UPF2: variants seen among roughly 807,000 people sequenced by gnomAD.
UPF2 encodes regulator of nonsense transcripts 2.
In UPF2, 17 loss-of-function variants were observed where a neutral mutation model predicts 141.4. The ratio of observed to expected loss-of-function variants is 0.12; its 90% CI spans 0.08 to 0.18. The LOEUF is 0.18. Among genes scored for constraint, UPF2 ranks in the 10% least tolerant of loss-of-function variants. UPF2 has a pLI of 1.00. For synonymous variants in UPF2, 540 were observed against 498.0 expected (o/e 1.08, Z -1.12); for missense variants, 1,152 against 1,515.9 (o/e 0.76, Z 3.99).
intron 21 of UPF2, among the ~76,000 whole-genome samples, chr10:11,927,798 G>A (rs981176371): frequency 6.6e-6 from 1 of 151,990 alleles, no homozygotes; most frequent in African/African-American, 2.4e-5. Context: ...AATTTGATTA[G>A]AGTTATCTGA....
intron 3 of UPF2, 93 bp downstream of exon 3, chr10:12,028,652 C>T: frequency 7.4e-7 from 1 of 1,345,514 alleles, no homozygotes; most frequent in South Asian, 1.5e-5. Context: ...GAGCCCTTTT[C>T]CATAAGTTCT....
intron 9 of UPF2, 47 bp from the exon 10 acceptor site, chr10:11,967,501 C>A: frequency 9.7e-7 from 1 of 1,028,882 alleles, no homozygotes; most frequent in Non-Finnish European, 1.4e-6. Flanking sequence ...CATTTTGAAT[C>A]TCTGTGATAA....
At chr10:12,002,331 T>C (rs1323175075) in intron 5 of UPF2, among the ~76,000 whole-genome samples, 2 of 152,206 alleles carry the variant, frequency 1.3e-5, no homozygotes, top group East Asian at 3.8e-4. Context: ...TGATTATGTA[T>C]ACCATTTGTT....
Position 11,924,865 on chromosome 10 carries a change from G to T in UPF2, c.3810-3558C>A, listed in dbSNP as rs558421162. On this transcript the variant is annotated intron_variant, in intron 21 of 21. Transcript: ENST00000357604. ...ATAGAGTTTCGCTCTTGTTGCCCAG[G>T]CTGGAGTGCAATGGCGCAATCTTGG... Among the ~76,000 whole-genome samples, 135 of 152,134 alleles carry T rather than the reference G, an allele frequency of 8.9e-4. 1 individual carries two copies. The highest frequency in any genetic ancestry group is 3.2e-3 in the African/African-American group (133 of 41,492).
intron 3 of UPF2, among the ~76,000 whole-genome samples, chr10:12,026,020 C>G (rs1260523621): frequency 1.3e-5 from 2 of 152,180 alleles, no homozygotes; most frequent in Non-Finnish European, 2.9e-5. Context: ...TCTCAAACTC[C>G]TGGGCTCAAG....
At chr10:11,926,818 T>C (rs1832718808) in intron 21 of UPF2, among the ~76,000 whole-genome samples, 1 of 152,172 alleles carries the variant, frequency 6.6e-6, no homozygotes, top group Non-Finnish European at 1.5e-5. Context: ...GGGGCAAGTG[T>C]AGCCGATTCT....
rs1191627874 is a variant in UPF2, at chr10:11,939,409, C to T, written c.3379-2697G>A. Among the ~76,000 whole-genome samples, 1 of 152,032 alleles carries T rather than the reference C, an allele frequency of 6.6e-6. No homozygotes were observed. Among genetic ancestry groups the T allele is most frequent in the Non-Finnish European group, 1.5e-5 (1 of 67,998 alleles). On this transcript the variant is annotated intron_variant, in intron 18 of 21. Transcript: ENST00000357604. This position sits in a 1 kb window ranked among gnomAD's most constrained non-coding sequence, Gnocchi z 4.8. ...TCCCTTAACTGATTTGCAACGTTAT[C>T]TTCATCATATTACTAAACGGTCATG...
chr10:12,020,245 A>ATT (rs201167359), intron 3 of UPF2, among the ~76,000 whole-genome samples: 2 of 150,956 alleles, frequency 1.3e-5, no homozygotes, highest in African/African-American at 4.9e-5. Context: ...TAAAAAATAA[A>ATT]TTTTATTTTT....
At chr10:11,969,183 T>A (rs1047654899) in intron 9 of UPF2, among the ~76,000 whole-genome samples, 2 of 151,878 alleles carry the variant, frequency 1.3e-5, no homozygotes, top group Non-Finnish European at 2.9e-5. Context: ...TTTTTCTTTT[T>A]TTGAGACAGA....
intron 21 of UPF2, among the ~76,000 whole-genome samples, chr10:11,922,109 GC>G (rs1490470860): frequency 2.6e-5 from 4 of 152,122 alleles, no homozygotes; most frequent in African/African-American, 7.2e-5. Flanking sequence ...AGGTATGGAA[GC>G]CAAAGACTGC....
chr10:11,920,618 ATTTTTCTT>A lies in UPF2; in HGVS notation c.*672_*679del. On this transcript the variant is annotated 3_prime_UTR_variant, in exon 22 of 22. Coordinates refer to ENST00000357604, the MANE Select transcript of UPF2 (RefSeq NM_015542.4). ...CTCTGTATAGTAAAATAGTCTCCAC[ATTTTTCTT>A]TTACCTTAATAGGCAATTTTATAGC... The A allele has an allele frequency of 5.1e-6, 1 of 196,594 alleles. No homozygotes were observed. The highest frequency in any genetic ancestry group is 9.8e-5 in the South Asian group (1 of 10,252). The allele number at this position is 196,594 out of a possible 1,614,324, so 12.2% of individuals were successfully genotyped here.
At chr10:11,986,547 T>C (rs1453501738) in intron 8 of UPF2, among the ~76,000 whole-genome samples, 1 of 152,200 alleles carries the variant, frequency 6.6e-6, no homozygotes, top group African/African-American at 2.4e-5. Context: ...AATTTGACTG[T>C]TGAAAGCTAT....
chr10:12,006,854 T>C (rs1016145117), intron 4 of UPF2, among the ~76,000 whole-genome samples: 3 of 152,164 alleles, frequency 2.0e-5, no homozygotes, highest in Admixed American at 6.5e-5. Context: ...GCTAATGAGG[T>C]GACTTAGGGT....
At chr10:11,989,906 C>T (rs1337155065) in intron 8 of UPF2, among the ~76,000 whole-genome samples, 1 of 152,322 alleles carries the variant, frequency 6.6e-6, no homozygotes, top group African/African-American at 2.4e-5. Flanking sequence ...CAGAGGACTT[C>T]GAGAACCTCA....
chr10:11,964,189 A>C (rs914614773), intron 10 of UPF2, 64 bp from the exon 11 acceptor site: 2 of 1,230,702 alleles, frequency 1.6e-6, no homozygotes, highest in Admixed American at 3.9e-5. Context: ...AGAAGAAATT[A>C]TCATACATCT....
chr10:12,022,603 G>T (rs1055442479), intron 3 of UPF2, among the ~76,000 whole-genome samples: 1 of 152,066 alleles, frequency 6.6e-6, no homozygotes, highest in Non-Finnish European at 1.5e-5. Flanking sequence ...TAATTTTAGA[G>T]CTCTTAGAAC....
In UPF2 at chr10:11,995,350, C is replaced by G. The variant is rs535619572; in HGVS notation, c.1844+2322G>C. On this transcript the variant is annotated intron_variant, in intron 8 of 21. Transcript: ENST00000357604. ...ACTGAAGAAGTTGAAAACCAGCTAG[C>G]TAAGAAAGGGCATTACATATCTTGT... 6.2e-4 allele frequency among the ~76,000 whole-genome samples: 94 copies of G among 152,266 alleles called. 1 individual carries two copies. Among genetic ancestry groups the G allele is most frequent in the African/African-American group, 2.2e-3 (90 of 41,552 alleles).
intron 9 of UPF2, among the ~76,000 whole-genome samples, chr10:11,977,884 A>T (rs1467888310): frequency 1.3e-5 from 2 of 152,212 alleles, no homozygotes; most frequent in South Asian, 2.1e-4. Context: ...CTCTCTAAAC[A>T]TAGAAACCTT....
chr10:11,966,502 A>C (rs1427968153), intron 10 of UPF2, among the ~76,000 whole-genome samples: 1 of 152,062 alleles, frequency 6.6e-6, no homozygotes, highest in African/African-American at 2.4e-5. Flanking sequence ...TTGGCGCACC[A>C]CAACCTCCAC....
Sources: gnomAD v4.1 joint callset for allele counts (sites outside exome capture counted in the v4.1 genomes callset) on GRCh38, gnomAD v4.1.1 for gene constraint, Gnocchi (gnomAD v3.1) non-coding constraint, MANE v1.5 for transcripts, NCBI Gene and HGNC (gene_info 2026-07-23, HGNC 2026-07-21) for gene names.